Variants in NCALD observed in about 807,000 individuals in gnomAD.
The protein encoded by NCALD is neurocalcin delta, also known as neurocalcin-delta.
NCALD carries 10 observed loss-of-function variants against 18.6 expected under a neutral mutation model. The ratio of observed to expected loss-of-function variants is 0.54; its 90% CI spans 0.33 to 0.91. The LOEUF is 0.91. Among genes scored for constraint, NCALD ranks in the 40% least tolerant of loss-of-function variants. NCALD has a pLI of 0.03. For synonymous variants in NCALD, 88 were observed against 87.4 expected (o/e 1.01, Z -0.04); for missense variants, 184 against 247.6 (o/e 0.74, Z 1.72).
intron 1 of NCALD, among the ~76,000 whole-genome samples, chr8:102,081,251 T>G (rs1299758785): frequency 6.6e-6 from 1 of 152,098 alleles, no homozygotes; most frequent in African/African-American, 2.4e-5. Flanking sequence ...AACGTACTGT[T>G]TATCATAATG....
At chr8:101,896,260 G>A (rs1025329421) in intron 3 of NCALD, among the ~76,000 whole-genome samples, 1 of 152,008 alleles carries the variant, frequency 6.6e-6, no homozygotes, top group Admixed American at 6.6e-5. Flanking sequence ...AACAAGCAAT[G>A]GGGAAAGGAT....
rs1814520914 is a variant in NCALD, at chr8:101,687,475, T to C, written c.*1834A>G. 6.6e-6 allele frequency: 1 copy of C among 152,636 alleles called. No individual in the cohort carries two copies. Among genetic ancestry groups the C allele is most frequent in the Non-Finnish European group, 1.5e-5 (1 of 68,030 alleles). The allele number at this position is 152,636 out of a possible 1,614,324, so 9.5% of individuals were successfully genotyped here. A position where few individuals can be genotyped will look rare whatever the true frequency, so the allele number is the denominator to read the frequency against. On this transcript the variant is annotated 3_prime_UTR_variant, in exon 4 of 4. Coordinates refer to ENST00000220931, the MANE Select transcript of NCALD (RefSeq NM_032041.3). ...GAAGACTAGGATTATTTTTACAGAG[T>C]CTAGGTCTCAAAATTTCACCCTATG...
At chr8:101,975,263 T>TTTATTTC (rs1330008127) in intron 2 of NCALD, 1 of 152,018 alleles carries the variant, frequency 6.6e-6, no homozygotes, top group Non-Finnish European at 1.5e-5. Context: ...TACTCACAGC[T>TTTATTTC]TTATTTCTTC....
chr8:101,902,703 C>T (rs893196395), intron 3 of NCALD, among the ~76,000 whole-genome samples: 1 of 152,218 alleles, frequency 6.6e-6, no homozygotes, highest in African/African-American at 2.4e-5. Flanking sequence ...TCAGCTCCCT[C>T]AAATCCCGGA....
At chr8:101,812,072 CTGCCT>C (rs1813325549) in intron 4 of NCALD, among the ~76,000 whole-genome samples, 1 of 152,152 alleles carries the variant, frequency 6.6e-6, no homozygotes, top group Non-Finnish European at 1.5e-5. Context: ...CCTGTTAAAC[CTGCCT>C]TGAGGCTATG....
intron 4 of NCALD, among the ~76,000 whole-genome samples, chr8:101,798,819 A>G (rs982161394): frequency 1.3e-5 from 2 of 152,264 alleles, no homozygotes; most frequent in Non-Finnish European, 2.9e-5. Flanking sequence ...ATGTACATCA[A>G]TGGAACAGAA....
At chr8:101,699,892 C>A (rs946053685) in intron 2 of NCALD, among the ~76,000 whole-genome samples, 1 of 151,900 alleles carries the variant, frequency 6.6e-6, no homozygotes, top group Admixed American at 6.6e-5. Context: ...ACGTTCTGTG[C>A]GTGTATCCAA....
chr8:101,708,956 G>A (rs1440425398), intron 2 of NCALD, among the ~76,000 whole-genome samples: 1 of 152,126 alleles, frequency 6.6e-6, no homozygotes, highest in South Asian at 2.1e-4. Flanking sequence ...ATATCAATCT[G>A]CTTTGTCCAA....
At chr8:101,893,431 G>A (rs1368842622) in intron 3 of NCALD, among the ~76,000 whole-genome samples, 1 of 149,260 alleles carries the variant, frequency 6.7e-6, no homozygotes, top group Non-Finnish European at 1.5e-5. Context: ...AAAGACCATC[G>A]AGACTAGGAA....
chr8:101,807,890 A>C (rs958581479), intron 4 of NCALD, among the ~76,000 whole-genome samples: 3 of 152,214 alleles, frequency 2.0e-5, no homozygotes, highest in Non-Finnish European at 4.4e-5. Flanking sequence ...TTGGGAAAAG[A>C]AGAGCATCAT....
chr8:101,957,548 C>T (rs1419894044), intron 2 of NCALD, among the ~76,000 whole-genome samples: 5 of 151,952 alleles, frequency 3.3e-5, no homozygotes, highest in Admixed American at 6.6e-5. Flanking sequence ...TTGGAAAACT[C>T]GCTGGCAGCC....
At chr8:101,707,273 G>A (rs1815572690) in intron 2 of NCALD, among the ~76,000 whole-genome samples, 1 of 152,178 alleles carries the variant, frequency 6.6e-6, no homozygotes, top group African/African-American at 2.4e-5. Context: ...ATATAAGGAA[G>A]TCTCTCTGGC....
intron 4 of NCALD, among the ~76,000 whole-genome samples, chr8:101,855,923 T>C (rs1387124695): frequency 6.6e-6 from 1 of 152,198 alleles, no homozygotes; most frequent in Non-Finnish European, 1.5e-5. Flanking sequence ...CCTTCCTTTA[T>C]TTGAAGTCCA....
chr8:101,954,622 G>C (rs1425932895), intron 2 of NCALD, among the ~76,000 whole-genome samples: 3 of 152,186 alleles, frequency 2.0e-5, no homozygotes, highest in African/African-American at 7.2e-5. Flanking sequence ...AGAGAGAGGA[G>C]AGGACAAAGG....
At position 101,912,360 on chromosome 8, in the gene NCALD, CA is replaced by C. The variant is rs556111023; in HGVS notation, c.-107+3448del. Among the ~76,000 whole-genome samples, 362 of 152,244 alleles carry C rather than the reference CA, an allele frequency of 2.4e-3. 7 individuals carry two copies. The highest frequency in any genetic ancestry group is 0.023 in the Admixed American group (347 of 15,286). ...AAAATGAGTTATTAAGGTGTACAGA[CA>C]TTGTTGCTATGGAGTTGAGAACATA... On this transcript the variant is annotated intron_variant, in intron 3 of 6. Coordinates refer to the NCALD transcript ENST00000311028.
chr8:101,688,381 G>T lies in NCALD; in HGVS notation c.*928C>A. On this transcript the variant is annotated 3_prime_UTR_variant, in exon 4 of 4. Coordinates refer to ENST00000220931, the MANE Select transcript of NCALD (RefSeq NM_032041.3). ...ATGGAATATATAAAATATACTTGTC[G>T]ATTGGTACATTTGTGCAAAGACAGA... The T allele has an allele frequency of 4.3e-6, 1 of 235,172 alleles. No individual in the cohort carries two copies. The highest frequency in any genetic ancestry group is 8.7e-6 in the Non-Finnish European group (1 of 115,312). The allele number at this position is 235,172 out of a possible 1,614,324, so 14.6% of individuals were successfully genotyped here.
chr8:101,923,275 A>G (rs1381219473), intron 2 of NCALD, among the ~76,000 whole-genome samples: 1 of 152,228 alleles, frequency 6.6e-6, no homozygotes, highest in Non-Finnish European at 1.5e-5. Flanking sequence ...CCCACTTGTG[A>G]GTATTTTGTT....
intron 2 of NCALD, among the ~76,000 whole-genome samples, chr8:101,973,492 T>C (rs1820316089): frequency 6.6e-6 from 1 of 152,218 alleles, no homozygotes; most frequent in Admixed American, 6.5e-5. Context: ...CCCAGGATAA[T>C]TTTTAAAAGA....
At chr8:101,816,507 T>G (rs1813502911) in intron 4 of NCALD, among the ~76,000 whole-genome samples, 1 of 150,478 alleles carries the variant, frequency 6.6e-6, no homozygotes, top group South Asian at 2.1e-4. Context: ...CACAATTGCC[T>G]GTCTTTGTTC....
Sources: gnomAD v4.1 joint callset for allele counts (sites outside exome capture counted in the v4.1 genomes callset) on GRCh38, gnomAD v4.1.1 for gene constraint, MANE v1.5 for transcripts, NCBI Gene and HGNC (gene_info 2026-07-23, HGNC 2026-07-21) for gene names.